Variants in VIRMA observed in about 807,000 individuals in gnomAD.
VIRMA encodes vir like m6A methyltransferase associated, also known as protein virilizer homolog.
A neutral mutation model predicts 182.4 loss-of-function variants in VIRMA; 65 were observed. That is an observed-to-expected ratio of 0.36 (90% confidence interval 0.29 to 0.44). The LOEUF is 0.44. VIRMA is among the 20% of genes least tolerant of loss of function. The probability of loss-of-function intolerance (pLI) is 1.00; values close to 1 mark genes in which losing one functional copy is unlikely to be tolerated. For synonymous variants in VIRMA, 709 were observed against 743.1 expected, an observed-to-expected ratio of 0.95 and a Z score of 0.75; for missense variants, 1,752 against 2,158.1, an observed-to-expected ratio of 0.81 and a Z score of 3.73.
chr8:94,499,358 A>G lies in VIRMA; in HGVS notation c.4230+16T>C. 2 of 1,513,044 alleles carry G rather than the reference A, an allele frequency of 1.3e-6. No homozygotes were observed. The highest frequency in any genetic ancestry group is 2.8e-5 in the African/African-American group (2 of 72,008). 93.7% of individuals were successfully genotyped at this position (1,513,044 alleles called of 1,614,324 possible). A position where few individuals can be genotyped will look rare whatever the true frequency, so the allele number is the denominator to read the frequency against. ...TACATACATATATACACAAACACAA[A>G]CACACACATACTTACAATTGTGTCA... On this transcript the variant is annotated intron_variant, in intron 17 of 23. Coordinates refer to ENST00000297591, the MANE Select transcript of VIRMA (RefSeq NM_015496.5).
chr8:94,530,480 G>A (rs1180152779), intron 6 of VIRMA, among the ~76,000 whole-genome samples: 21 of 134,496 alleles, frequency 1.6e-4, no homozygotes, highest in Non-Finnish European at 3.1e-4. Flanking sequence ...CTGGGTCACA[G>A]AGCAAAAACC....
chr8:94,535,913 A>T (rs891151657), intron 4 of VIRMA, among the ~76,000 whole-genome samples: 1 of 152,246 alleles, frequency 6.6e-6, no homozygotes, highest in South Asian at 2.1e-4. Context: ...AGAAAAAATA[A>T]CTTCATGCTT....
rs1453016001 is a variant in VIRMA at position 94,494,879 on chromosome 8, A to C, written c.4622T>G (p.Ile1541Arg). 1.3e-6 allele frequency: 2 copies of C among 1,594,444 alleles called. No individual in the cohort carries two copies. The highest frequency in any genetic ancestry group is 1.7e-6 in the Non-Finnish European group (2 of 1,163,268). The change falls in exon 20 of 24, where the codon ATA becomes AGA. Residue 1541 changes from isoleucine to arginine, a missense_variant. Coordinates refer to ENST00000297591, the MANE Select transcript of VIRMA (RefSeq NM_015496.5). ...TTATACCAAATCCAGATCTGTATCTATCTCTTCAGCCTGAAATGGAGTGAA... is the reference window on the plus strand; with the variant it reads ...TTATACCAAATCCAGATCTGTATCTCTCTCTTCAGCCTGAAATGGAGTGAA... ...MWFTPFQAEE[I>R]DTDLDLVKVD...
intron 5 of VIRMA, among the ~76,000 whole-genome samples, chr8:94,533,016 T>C (rs951167419): frequency 7.2e-5 from 11 of 151,974 alleles, no homozygotes; most frequent in Non-Finnish European, 1.6e-4. Context: ...TAAAAACACA[T>C]GTATATATAT....
At chr8:94,488,963 C>T in intron 23 of VIRMA, 103 bp from the exon 24 acceptor site, 1 of 1,327,146 alleles carries the variant, frequency 7.5e-7, no homozygotes, top group Non-Finnish European at 1.0e-6. Context: ...TTACTCTATT[C>T]TCTTTTAAAG....
chr8:94,507,477 C>T (rs982106739), intron 15 of VIRMA, among the ~76,000 whole-genome samples: 85 of 151,322 alleles, frequency 5.6e-4, no homozygotes, highest in African/African-American at 1.8e-3. Flanking sequence ...ATTTAAGGCT[C>T]GGCACAGTGG....
At chr8:94,544,361 G>A (rs555102191) in intron 1 of VIRMA, among the ~76,000 whole-genome samples, 21 of 152,144 alleles carry the variant, frequency 1.4e-4, no homozygotes, top group East Asian at 3.9e-4. Flanking sequence ...GCAGCCACAC[G>A]TATCAACATT....
chr8:94,514,665 G>T (rs943284951), intron 11 of VIRMA, among the ~76,000 whole-genome samples: 1 of 152,188 alleles, frequency 6.6e-6, no homozygotes, highest in Admixed American at 6.5e-5. Context: ...ACAGTACACA[G>T]GGTTATGTGC....
At chr8:94,531,987 T>C (rs1313446246) in intron 5 of VIRMA, among the ~76,000 whole-genome samples, 3 of 152,128 alleles carry the variant, frequency 2.0e-5, no homozygotes, top group Non-Finnish European at 4.4e-5. Flanking sequence ...ACTATAGAAA[T>C]GGTGAACAGA....
intron 8 of VIRMA, among the ~76,000 whole-genome samples, chr8:94,525,510 A>G (rs145284853): frequency 6.6e-6 from 1 of 152,372 alleles, no homozygotes; most frequent in East Asian, 1.9e-4. Context: ...AACTTGGATA[A>G]GTGGAGGTTT....
intron 16 of VIRMA, 65 bp downstream of exon 16, chr8:94,506,434 GT>G (rs1814156384): frequency 1.0e-6 from 1 of 994,338 alleles, no homozygotes; most frequent in African/African-American, 1.6e-5. Flanking sequence ...TTAATGTGGG[GT>G]GAAGGAGCAG....
At chr8:94,512,415 T>C (rs1031909698) in intron 11 of VIRMA, 1 of 154,972 alleles carries the variant, frequency 6.5e-6, no homozygotes, top group Non-Finnish European at 1.4e-5. Context: ...GAGTTTACAA[T>C]GGCTACTTTC....
chr8:94,508,651 T>TA (rs1194320257), intron 15 of VIRMA, among the ~76,000 whole-genome samples: 4 of 151,550 alleles, frequency 2.6e-5, no homozygotes, highest in Non-Finnish European at 5.9e-5. Context: ...TACAAGGACT[T>TA]AGAATACCCT....
chr8:94,500,708 AAC>A (rs914932720), intron 16 of VIRMA, among the ~76,000 whole-genome samples: 1 of 138,646 alleles, frequency 7.2e-6, no homozygotes, highest in African/African-American at 2.6e-5. Flanking sequence ...TTTAAGGTTA[AAC>A]ACACACACCT....
chr8:94,511,466 G>C lies in VIRMA; in HGVS notation c.3109C>G (p.Leu1037Val). 1.2e-6 allele frequency: 2 copies of C among 1,614,122 alleles called. No homozygotes were observed. The highest frequency in any genetic ancestry group is 1.7e-6 in the Non-Finnish European group (2 of 1,180,010). ...CACAGGAGCATATGTAAAGTAACAAGCGCTGAAGGAACACGCATGTCCTTA... is the reference window on the plus strand; with the variant it reads ...CACAGGAGCATATGTAAAGTAACAACCGCTGAAGGAACACGCATGTCCTTA... Reference protein sequence around the residue: ...EFKDMRVPSALVTLHMLLCSI... With the variant: ...EFKDMRVPSAVVTLHMLLCSI... Residue 1037 changes from leucine to valine, a missense_variant, in exon 13 of 24, where the codon CTT (leucine) becomes GTT (valine). By Grantham distance (32) the Leu-to-Val change is conservative (BLOSUM62 1). This residue lies in a region of VIRMA where 777 missense variants were observed against 920.6 expected (regional missense o/e 0.84). Transcript: ENST00000297591.
intron 6 of VIRMA, 59 bp downstream of exon 6, chr8:94,530,904 A>G: frequency 2.6e-6 from 4 of 1,560,714 alleles, no homozygotes; most frequent in Non-Finnish European, 2.6e-6. Flanking sequence ...ATCTCAAAAC[A>G]AAAACAAAAA....
chr8:94,494,406 A>G (rs1224929310), intron 20 of VIRMA, among the ~76,000 whole-genome samples: 1 of 151,982 alleles, frequency 6.6e-6, no homozygotes, highest in African/African-American at 2.4e-5. Context: ...CCTGACCAAC[A>G]TGGTAAAACC....
At chr8:94,500,912 C>T (rs185177169) in intron 16 of VIRMA, among the ~76,000 whole-genome samples, 127 of 152,020 alleles carry the variant, frequency 8.4e-4, no homozygotes, top group African/African-American at 2.6e-3. Flanking sequence ...TAGAACTGTA[C>T]ACCATAAAAC....
chr8:94,516,210 G>C (rs1049133822), intron 10 of VIRMA, among the ~76,000 whole-genome samples: 2 of 152,126 alleles, frequency 1.3e-5, no homozygotes, highest in Non-Finnish European at 2.9e-5. Flanking sequence ...CCCAAAAAAA[G>C]TATAAACAAA....
Sources: allele counts gnomAD v4.1 joint callset (sites outside exome capture counted in the v4.1 genomes callset), GRCh38; gene constraint gnomAD v4.1.1; regional missense constraint gnomAD v4.1.1; transcripts MANE v1.5; gene names NCBI Gene and HGNC (gene_info 2026-07-23, HGNC 2026-07-21).